Variants in SDCCAG8 observed in about 807,000 individuals in gnomAD.
The protein encoded by SDCCAG8 is serologically defined colon cancer antigen 8.
A neutral mutation model predicts 101.8 loss-of-function variants in SDCCAG8; 74 were observed. The observed-to-expected ratio is 0.73, with a 90% CI of 0.60 to 0.88. The LOEUF is 0.88. Ranked by LOEUF, SDCCAG8 falls within the 40% of genes least tolerant of loss-of-function variation. The pLI, the probability that SDCCAG8 is intolerant of heterozygous loss-of-function variation, is 0.00. For missense variants in SDCCAG8, 787 were observed against 822.6 expected (o/e 0.96, Z 0.53); for synonymous variants, 281 against 292.9 (o/e 0.96, Z 0.41).
At chr1:243,353,883 T>C (rs1486259918) in intron 12 of SDCCAG8, among the ~76,000 whole-genome samples, 2 of 152,142 alleles carry the variant, frequency 1.3e-5, no homozygotes, top group Non-Finnish European at 2.9e-5. Flanking sequence ...AATTTTAAGA[T>C]TTTTCAAATT....
intron 10 of SDCCAG8, among the ~76,000 whole-genome samples, chr1:243,330,936 A>G (rs186705554): frequency 1.3e-5 from 2 of 152,350 alleles, no homozygotes; most frequent in Middle Eastern, 3.4e-3. Flanking sequence ...TGAAATTACA[A>G]AATTTACTTT....
chr1:243,307,506 C>G (rs1468276573), intron 7 of SDCCAG8: 1 of 983,590 alleles, frequency 1.0e-6, no homozygotes, highest in Non-Finnish European at 1.2e-6. Flanking sequence ...GGATAAAAAT[C>G]CATGTTTTTT....
At chr1:243,293,576 C>G (rs1369552097) in intron 6 of SDCCAG8, 3 of 428,304 alleles carry the variant, frequency 7.0e-6, no homozygotes, top group African/African-American at 6.1e-5. Context: ...GGCTTATTTC[C>G]CTTAGCATAA....
At chr1:243,264,885 C>T (rs1178314268) in intron 1 of SDCCAG8, among the ~76,000 whole-genome samples, 1 of 152,168 alleles carries the variant, frequency 6.6e-6, no homozygotes, top group Non-Finnish European at 1.5e-5. Flanking sequence ...CCTTACTGTC[C>T]TCTCAGGAGA....
intron 16 of SDCCAG8, among the ~76,000 whole-genome samples, chr1:243,432,336 C>T (rs1234818309): frequency 1.3e-5 from 2 of 152,036 alleles, no homozygotes; most frequent in Non-Finnish European, 2.9e-5. Context: ...GATGAGAACA[C>T]ATGGATACTT....
chr1:243,303,345 C>A (rs945945218), intron 6 of SDCCAG8, among the ~76,000 whole-genome samples: 1 of 152,174 alleles, frequency 6.6e-6, no homozygotes, highest in Non-Finnish European at 1.5e-5. Context: ...GGATAGATAT[C>A]ATATAGAAAC....
At position 243,489,077 on chromosome 1, in the gene SDCCAG8, GCAGAAC is replaced by G; in HGVS notation, c.2053_2058del (p.Asn685_Gln686del). Reference sequence around the variant, plus strand: ...AGCAGCTGGTGCAGCTCCTCAGCAAGCAGAACCAGCTTCTCCTGGAGAGGCAGAGCC... The same window carrying G: ...AGCAGCTGGTGCAGCTCCTCAGCAAGCAGCTTCTCCTGGAGAGGCAGAGCC... On this transcript the variant is annotated inframe_deletion, in exon 17 of 18. Transcript: ENST00000366541. 1 of 1,613,398 alleles carries G rather than the reference GCAGAAC, an allele frequency of 6.2e-7. No individual in the cohort carries two copies. The highest frequency in any genetic ancestry group is 1.1e-5 in the South Asian group (1 of 91,072).
chr1:243,358,357 G>A (rs2147842434), intron 12 of SDCCAG8, among the ~76,000 whole-genome samples: 1 of 152,184 alleles, frequency 6.6e-6, no homozygotes, highest in South Asian at 2.1e-4. Context: ...CATGTGAAAA[G>A]ATGCTCAACA....
intron 12 of SDCCAG8, among the ~76,000 whole-genome samples, chr1:243,363,071 T>A (rs1301031827): frequency 6.6e-6 from 1 of 152,208 alleles, no homozygotes; most frequent in African/African-American, 2.4e-5. Context: ...CACAGACACA[T>A]TTGATCAGCA....
intron 15 of SDCCAG8, among the ~76,000 whole-genome samples, chr1:243,419,189 C>A (rs987694884): frequency 6.6e-6 from 1 of 152,140 alleles, no homozygotes; most frequent in South Asian, 2.1e-4. Flanking sequence ...CTGTAACCAC[C>A]AAGAATGTAC....
At chr1:243,467,097 G>C (rs1395183512) in intron 16 of SDCCAG8, among the ~76,000 whole-genome samples, 1 of 152,206 alleles carries the variant, frequency 6.6e-6, no homozygotes, top group East Asian at 1.9e-4. Flanking sequence ...TAAATTCCAG[G>C]TAACACATCT....
At chr1:243,418,212 T>A in intron 15 of SDCCAG8, 136 bp downstream of exon 15, 1 of 679,850 alleles carries the variant, frequency 1.5e-6, no homozygotes, top group East Asian at 2.7e-5. Context: ...TTTGAAAATA[T>A]TTTCTACATA....
intron 16 of SDCCAG8, among the ~76,000 whole-genome samples, chr1:243,444,344 G>A (rs190303688): frequency 2.6e-5 from 4 of 151,416 alleles, no homozygotes; most frequent in South Asian, 2.1e-4. Flanking sequence ...GTTCTGTTGC[G>A]GCACTAAAGT....
chr1:243,477,000 A>G (rs1314997929), intron 16 of SDCCAG8, among the ~76,000 whole-genome samples: 1 of 55,012 alleles, frequency 1.8e-5, no homozygotes, highest in African/African-American at 5.4e-5. Flanking sequence ...CTGGTTCTGT[A>G]CACACACACA....
intron 10 of SDCCAG8, 102 bp from the exon 11 acceptor site, chr1:243,340,924 GAGAAATGGCTCAC>G: frequency 9.3e-7 from 1 of 1,071,172 alleles, no homozygotes; most frequent in Non-Finnish European, 1.4e-6. Context: ...CCAATCCACA[GAGAAATGGCTCAC>G]AGAGCCCAGT....
intron 13 of SDCCAG8, among the ~76,000 whole-genome samples, chr1:243,397,233 G>A (rs911384411): frequency 2.0e-5 from 3 of 152,206 alleles, no homozygotes; most frequent in African/African-American, 7.2e-5. Context: ...AAGCAAAACT[G>A]CACAGTGGGG....
chr1:243,349,454 G>A (rs901184968), intron 12 of SDCCAG8, among the ~76,000 whole-genome samples: 2 of 152,178 alleles, frequency 1.3e-5, no homozygotes, highest in Non-Finnish European at 2.9e-5. Context: ...AATATTTACT[G>A]TCTGACCCTT....
At chr1:243,287,835 G>T (rs2069781811) in intron 5 of SDCCAG8, among the ~76,000 whole-genome samples, 1 of 152,206 alleles carries the variant, frequency 6.6e-6, no homozygotes, top group Admixed American at 6.5e-5. Context: ...AGAAGGGGAA[G>T]TGAAGTGAGA....
intron 16 of SDCCAG8, among the ~76,000 whole-genome samples, chr1:243,446,586 G>T (rs1177523120): frequency 6.6e-6 from 1 of 152,124 alleles, no homozygotes; most frequent in Non-Finnish European, 1.5e-5. Flanking sequence ...GTCAGAGAAA[G>T]GCCAACTTGG....
Sources: gnomAD v4.1 joint callset for allele counts (sites outside exome capture counted in the v4.1 genomes callset) on GRCh38, gnomAD v4.1.1 for gene constraint, MANE v1.5 for transcripts, NCBI Gene and HGNC (gene_info 2026-07-23, HGNC 2026-07-21) for gene names.